Variants in LRP1B observed in about 807,000 individuals in gnomAD.
The protein encoded by LRP1B is LDL receptor related protein 1B.
In LRP1B, 217 loss-of-function variants were observed where a neutral mutation model predicts 556.6. That is an observed-to-expected ratio of 0.39 (90% CI 0.35 to 0.44). The LOEUF is 0.44. LRP1B is among the 20% of genes least tolerant of loss of function. The pLI, the probability that LRP1B is intolerant of heterozygous loss-of-function variation, is 1.00. For missense variants in LRP1B, 5,053 were observed against 5,620.8 expected (o/e 0.90, Z 3.23); for synonymous variants, 2,047 against 1,865.8 (o/e 1.10, Z -2.50).
At chr2:142,050,095 G>A (rs991681869) in intron 1 of LRP1B, among the ~76,000 whole-genome samples, 8 of 152,038 alleles carry the variant, frequency 5.3e-5, no homozygotes, top group Non-Finnish European at 8.8e-5. Flanking sequence ...GCTTATCAAT[G>A]TCCTGTTAAT....
chr2:141,013,449 C>CT, intron 14 of LRP1B, 107 bp downstream of exon 14: 2 of 900,796 alleles, frequency 2.2e-6, no homozygotes, highest in Non-Finnish European at 3.2e-6. Flanking sequence ...AATTTGACAT[C>CT]TTTTATCATA....
chr2:141,779,485 T>TCTCAGCTCACTGCAAC (rs1239236954), intron 2 of LRP1B, among the ~76,000 whole-genome samples: 5 of 147,240 alleles, frequency 3.4e-5, no homozygotes, highest in Admixed American at 7.0e-5. Flanking sequence ...AGTGGAGCAA[T>TCTCAGCTCACTGCAAC]CTCAGCTCAC....
intron 7 of LRP1B, among the ~76,000 whole-genome samples, chr2:141,109,053 T>C (rs1366087430): frequency 6.6e-6 from 1 of 152,212 alleles, no homozygotes; most frequent in Non-Finnish European, 1.5e-5. Flanking sequence ...AACACCACTA[T>C]TGTAGAACCT....
intron 2 of LRP1B, among the ~76,000 whole-genome samples, chr2:141,485,016 C>T (rs1683071439): frequency 6.6e-6 from 1 of 151,926 alleles, no homozygotes; most frequent in Admixed American, 6.6e-5. Flanking sequence ...CATCTGGTGG[C>T]CAGAAGAGAG....
At chr2:140,385,236 C>A (rs1287154459) in intron 67 of LRP1B, among the ~76,000 whole-genome samples, 3 of 152,084 alleles carry the variant, frequency 2.0e-5, no homozygotes, top group South Asian at 2.1e-4. Flanking sequence ...CAGGGTGAGA[C>A]CCTCTCTCAA....
chr2:141,748,803 C>T (rs552760314), intron 2 of LRP1B, among the ~76,000 whole-genome samples: 62 of 152,252 alleles, frequency 4.1e-4, no homozygotes, highest in African/African-American at 1.5e-3. Flanking sequence ...TAGACGCAAA[C>T]ATGCAAAGCT....
chr2:140,677,351 G>A, intron 41 of LRP1B, among the ~76,000 whole-genome samples: 1 of 152,156 alleles, frequency 6.6e-6, no homozygotes, highest in Admixed American at 6.6e-5. Flanking sequence ...AGGTGGAGAG[G>A]ACAATGGGAT....
At chr2:140,535,852 A>G (rs1223891793) in intron 46 of LRP1B, among the ~76,000 whole-genome samples, 1 of 152,164 alleles carries the variant, frequency 6.6e-6, no homozygotes, top group African/African-American at 2.4e-5. Flanking sequence ...TGTTGCCAAG[A>G]GAAGCATAGC....
intron 3 of LRP1B, among the ~76,000 whole-genome samples, chr2:141,401,042 C>T (rs964167580): frequency 3.3e-5 from 5 of 152,082 alleles, no homozygotes; most frequent in Admixed American, 6.6e-5. Flanking sequence ...CTAGAACCAC[C>T]TTTTTAAAAG....
At chr2:140,283,296 C>T (rs866612804) in intron 84 of LRP1B, among the ~76,000 whole-genome samples, 14 of 151,722 alleles carry the variant, frequency 9.2e-5, no homozygotes, top group Middle Eastern at 3.2e-3. Context: ...AATAATTAAA[C>T]TTTAGTGCAT....
intron 1 of LRP1B, among the ~76,000 whole-genome samples, chr2:141,970,772 G>T (rs1236054903): frequency 5.3e-5 from 8 of 151,434 alleles, no homozygotes; most frequent in Non-Finnish European, 4.4e-5. Flanking sequence ...AACTCTTCCT[G>T]TAATTTCCAA....
chr2:140,752,286 A>G (rs1688606777), intron 35 of LRP1B, among the ~76,000 whole-genome samples: 1 of 152,060 alleles, frequency 6.6e-6, no homozygotes, highest in South Asian at 2.1e-4. Context: ...GAATTCTACT[A>G]AATCTAATTC....
chr2:141,163,728 T>C (rs1309728785), intron 7 of LRP1B, among the ~76,000 whole-genome samples: 3 of 152,058 alleles, frequency 2.0e-5, no homozygotes, highest in African/African-American at 7.2e-5. Context: ...ATGTAAGATG[T>C]GCCTTCTGCC....
At chr2:141,723,524 A>G (rs1356034335) in intron 2 of LRP1B, among the ~76,000 whole-genome samples, 1 of 151,864 alleles carries the variant, frequency 6.6e-6, no homozygotes, top group African/African-American at 2.4e-5. Context: ...TACAACTAAA[A>G]TGAAGTATTT....
chr2:141,780,517 C>T (rs866719281), intron 2 of LRP1B, among the ~76,000 whole-genome samples: 1 of 152,054 alleles, frequency 6.6e-6, no homozygotes, highest in Non-Finnish European at 1.5e-5. Context: ...AAAAAATCAG[C>T]GATTTTTAGC....
At chr2:140,603,600 C>A (rs917677034) in intron 41 of LRP1B, among the ~76,000 whole-genome samples, 43 of 152,080 alleles carry the variant, frequency 2.8e-4, no homozygotes, top group Admixed American at 2.7e-3. Flanking sequence ...CTTGCCAATT[C>A]AGGAAGAAAA....
At chr2:140,354,140 A>G (rs182233249) in intron 75 of LRP1B, among the ~76,000 whole-genome samples, 2 of 152,178 alleles carry the variant, frequency 1.3e-5, no homozygotes, top group African/African-American at 4.8e-5. Flanking sequence ...TTTAGCCAGC[A>G]TATTTCCCCT....
intron 59 of LRP1B, among the ~76,000 whole-genome samples, chr2:140,483,615 C>CACAT (rs1403726877): frequency 7.9e-5 from 7 of 88,352 alleles, no homozygotes; most frequent in African/African-American, 3.2e-4. Context: ...CACACACACA[C>CACAT]ATATATATAT....
In LRP1B at chr2:140,256,449, C is replaced by CTTTTTTTTTTTTTTTT. The variant is rs764826231; in HGVS notation, c.13248-9303_13248-9288dup. Among the ~76,000 whole-genome samples, 2 of 25,292 alleles carry CTTTTTTTTTTTTTTTT rather than the reference C, an allele frequency of 7.9e-5. 1 individual carries two copies. The highest frequency in any genetic ancestry group is 2.6e-4 in the African/African-American group (2 of 7,706). The allele number at this position is 25,292 out of a possible 152,430, so 16.6% of individuals were successfully genotyped here. A position where few individuals can be genotyped will look rare whatever the true frequency, so the allele number is the denominator to read the frequency against. ...GGTTTTCTTTTCTCTTTTTTCCTTC[C>CTTTTTTTTTTTTTTTT]TTTTTTTTTTTTTTTTTTTTTTTTT... On this transcript the variant is annotated intron_variant, in intron 86 of 90. Transcript: ENST00000389484.
Sources: gnomAD v4.1 joint callset for allele counts (sites outside exome capture counted in the v4.1 genomes callset) on GRCh38, gnomAD v4.1.1 for gene constraint, MANE v1.5 for transcripts, NCBI Gene and HGNC (gene_info 2026-07-23, HGNC 2026-07-21) for gene names.